PM20D2: variants seen among roughly 807,000 people sequenced by gnomAD.
PM20D2 encodes xaa-Arg dipeptidase.
PM20D2 carries 33 observed loss-of-function variants against 42.9 expected under a neutral mutation model. The observed-to-expected ratio is 0.77, with a 90% confidence interval of 0.58 to 1.03. The LOEUF is 1.03. PM20D2 is among the 50% of genes least tolerant of loss of function. The pLI is 0.00. For synonymous variants in PM20D2, 250 were observed against 228.2 expected, an observed-to-expected ratio of 1.10 and a Z score of -0.86; for missense variants, 548 against 557.0, an observed-to-expected ratio of 0.98 and a Z score of 0.16.
At chr6:89,127,126 G>T in the PM20D2 span, among the ~76,000 whole-genome samples, 1 of 152,104 alleles carries the variant, frequency 6.6e-6, no homozygotes, top group Non-Finnish European at 1.5e-5. Flanking sequence ...GTTGATGAAG[G>T]AAGTTTTGTT....
Position 89,158,361 on chromosome 6 carries a change from G to C in PM20D2, c.949G>C (p.Val317Leu). 6.2e-7 allele frequency: 1 copy of C among 1,607,508 alleles called. No individual in the cohort carries two copies. The highest frequency in any genetic ancestry group is 2.2e-5 in the East Asian group (1 of 44,712). The part of the protein sequence containing the change: ...IKGGAHDYYN[V>L]LPNKSLWKAY... ...AGGTGGAGCACATGATTATTACAAT[G>C]TTCTTCCCAATAAGAGCCTATGGAA... Residue 317 changes from valine to leucine, a missense_variant, in exon 5 of 7, where the codon GTT becomes CTT. Val to Leu is a conservative substitution (Grantham distance 32, BLOSUM62 1). Transcript: ENST00000275072.
the PM20D2 span, among the ~76,000 whole-genome samples, chr6:89,125,202 C>T: frequency 5.5e-3 from 833 of 152,214 alleles, 4 homozygotes; most frequent in Non-Finnish European, 7.1e-3. Flanking sequence ...TATTTCTCAC[C>T]GGGCGCGGTA....
the PM20D2 span, chr6:89,099,076 C>G: frequency 8.3e-7 from 1 of 1,197,704 alleles, no homozygotes; most frequent in Non-Finnish European, 1.1e-6. Context: ...AAAAAAATTT[C>G]TCATTTTATT....
the PM20D2 span, among the ~76,000 whole-genome samples, chr6:89,112,443 CTTTCTT>C: frequency 1.4e-5 from 2 of 140,478 alleles, no homozygotes. Context: ...ATTTTCTTTT[CTTTCTT>C]TTTTTTTTTT....
chr6:89,094,225 A>T, the PM20D2 span, among the ~76,000 whole-genome samples: 11 of 144,502 alleles, frequency 7.6e-5, no homozygotes, highest in East Asian at 2.1e-4. Flanking sequence ...CGGCCTCTTT[A>T]TTTTTTTTTA....
the PM20D2 span, among the ~76,000 whole-genome samples, chr6:89,112,612 A>G: frequency 6.6e-6 from 1 of 150,862 alleles, no homozygotes; most frequent in Non-Finnish European, 1.5e-5. Context: ...AGGCCTTGCT[A>G]TGTTGCCCAG....
At chr6:89,107,196 A>G in the PM20D2 span, 1 of 1,614,098 alleles carries the variant, frequency 6.2e-7, no homozygotes, top group Non-Finnish European at 8.5e-7. Flanking sequence ...GTAGAAGTCA[A>G]GTGGAATGTA....
chr6:89,114,355 G>C, the PM20D2 span, among the ~76,000 whole-genome samples: 692 of 152,286 alleles, frequency 4.5e-3, 9 homozygotes, highest in Non-Finnish European at 8.2e-3. Context: ...TTGAGCCCAG[G>C]AGGCGGAGGT....
At chr6:89,095,919 A>C in the PM20D2 span, 4 of 152,210 alleles carry the variant, frequency 2.6e-5, no homozygotes, top group South Asian at 8.3e-4. Context: ...GAAGTACTTA[A>C]ATAAATATAG....
chr6:89,140,239 G>A, the PM20D2 span, among the ~76,000 whole-genome samples: 10 of 152,056 alleles, frequency 6.6e-5, no homozygotes, highest in Non-Finnish European at 1.0e-4. Context: ...TGAAGCACCA[G>A]TCCTGTCCTA....
chr6:89,144,949 C>CA (rs1462887020), upstream of PM20D2, among the ~76,000 whole-genome samples: 5 of 152,188 alleles, frequency 3.3e-5, no homozygotes, highest in Non-Finnish European at 5.9e-5. Flanking sequence ...GTATTATTAG[C>CA]ATATAGAGTA....
the PM20D2 span, among the ~76,000 whole-genome samples, chr6:89,103,991 CTTTTTTTTTTT>C: frequency 0.031 from 2,512 of 81,978 alleles, 72 homozygotes; most frequent in African/African-American, 0.11. Context: ...TATTATATTT[CTTTTTTTTTTT>C]TTTTTTTTTT....
At chr6:89,146,715 C>T in intron 1 of PM20D2, 106 bp downstream of exon 1, 2 of 957,964 alleles carry the variant, frequency 2.1e-6, no homozygotes, top group Non-Finnish European at 1.4e-6. Context: ...GCCCTCCCGC[C>T]CGGGGCAGGT....
At chr6:89,117,672 G>A in the PM20D2 span, 4 of 701,784 alleles carry the variant, frequency 5.7e-6, no homozygotes, top group Admixed American at 8.9e-5. Context: ...GTAGTCCGAG[G>A]GCTCACACCT....
At chr6:89,153,914 T>C (rs1471881557) in intron 3 of PM20D2, among the ~76,000 whole-genome samples, 1 of 152,132 alleles carries the variant, frequency 6.6e-6, no homozygotes, top group Non-Finnish European at 1.5e-5. Context: ...GAATAGTGTC[T>C]TTTAAAATTA....
At chr6:89,139,951 A>G in the PM20D2 span, among the ~76,000 whole-genome samples, 1 of 152,232 alleles carries the variant, frequency 6.6e-6, no homozygotes, top group Admixed American at 6.5e-5. Flanking sequence ...TTAATGCCTC[A>G]AGTCTGGCCT....
chr6:89,156,840 G>T (rs1771066125), intron 4 of PM20D2, among the ~76,000 whole-genome samples: 1 of 152,206 alleles, frequency 6.6e-6, no homozygotes, highest in Non-Finnish European at 1.5e-5. Context: ...ATGGACAGAT[G>T]TAGGAGCAAA....
the PM20D2 span, chr6:89,105,081 A>G: frequency 7.1e-6 from 11 of 1,549,064 alleles, no homozygotes; most frequent in Admixed American, 2.0e-5. Flanking sequence ...TTTCCCAGAA[A>G]AAGTAGAAAA....
intron 1 of PM20D2, among the ~76,000 whole-genome samples, chr6:89,148,927 C>T (rs755674048): frequency 1.3e-5 from 2 of 152,080 alleles, no homozygotes; most frequent in African/African-American, 4.8e-5. Context: ...AAGGCTTAGT[C>T]GAGAGGAACC....
Sources: allele counts gnomAD v4.1 joint callset (sites outside exome capture counted in the v4.1 genomes callset), GRCh38; gene constraint gnomAD v4.1.1; transcripts MANE v1.5; gene names NCBI Gene and HGNC (gene_info 2026-07-23, HGNC 2026-07-21).